Variants in VRK3 observed in about 807,000 individuals in gnomAD.
VRK3 encodes the protein VRK serine/threonine kinase 3.
In VRK3, 50 loss-of-function variants were observed where a neutral mutation model predicts 60.4. The ratio of observed to expected loss-of-function variants is 0.83; its 90% CI spans 0.66 to 1.05. The LOEUF is 1.05. Ranked by LOEUF, VRK3 falls within the 50% of genes least tolerant of loss-of-function variation. The pLI is 0.00. For missense variants in VRK3, 549 were observed against 585.3 expected, an observed-to-expected ratio of 0.94 and a Z score of 0.64; for synonymous variants, 246 against 227.8, an observed-to-expected ratio of 1.08 and a Z score of -0.72.
chr19:50,012,023 G>A (rs1451193301), intron 3 of VRK3, among the ~76,000 whole-genome samples: 3 of 150,822 alleles, frequency 2.0e-5, no homozygotes, highest in Non-Finnish European at 4.4e-5. Context: ...CCAGGCTGGA[G>A]TGCAATGGCG....
intron 2 of VRK3, chr19:50,019,188 GA>G (rs1218459279): frequency 3.7e-5 from 4 of 107,106 alleles, no homozygotes; most frequent in Admixed American, 1.8e-4. Flanking sequence ...AAAAAAAAAA[GA>G]AAAAAAATTA....
chr19:50,010,220 T>C (rs1470618010), intron 3 of VRK3, among the ~76,000 whole-genome samples: 4 of 152,330 alleles, frequency 2.6e-5, no homozygotes, highest in Admixed American at 2.6e-4. Context: ...AACTTTAACC[T>C]ATTCCTTCAT....
At chr19:49,980,725 A>T (rs965695599) in intron 13 of VRK3, among the ~76,000 whole-genome samples, 2 of 151,966 alleles carry the variant, frequency 1.3e-5, no homozygotes. Flanking sequence ...TTAAAAATAA[A>T]AAAAAAAAAT....
At chr19:50,010,790 G>A (rs2076982162) in intron 3 of VRK3, among the ~76,000 whole-genome samples, 2 of 152,210 alleles carry the variant, frequency 1.3e-5, no homozygotes, top group Non-Finnish European at 2.9e-5. Flanking sequence ...GCAGGTGCCT[G>A]TAAACCCAGC....
At chr19:50,006,666 C>T (rs909823712) in intron 5 of VRK3, among the ~76,000 whole-genome samples, 3 of 152,102 alleles carry the variant, frequency 2.0e-5, no homozygotes, top group African/African-American at 7.2e-5. Flanking sequence ...TGAGCCACCG[C>T]GCCTGGCCAA....
At chr19:49,980,905 A>G in intron 13 of VRK3, 50 bp downstream of exon 13, 4 of 1,557,376 alleles carry the variant, frequency 2.6e-6, no homozygotes, top group Non-Finnish European at 3.5e-6. Flanking sequence ...GATCTGAGCC[A>G]CCAGGTCCTG....
intron 10 of VRK3, among the ~76,000 whole-genome samples, chr19:49,991,984 G>A (rs553231142): frequency 3.9e-5 from 6 of 152,314 alleles, no homozygotes; most frequent in Non-Finnish European, 5.9e-5. Context: ...TCAGTATCCC[G>A]CTTAAGGTGT....
At chr19:49,998,946 C>CAAA (rs1774705802) in intron 6 of VRK3, 2 of 45,636 alleles carry the variant, frequency 4.4e-5, no homozygotes, top group Admixed American at 2.7e-4. Flanking sequence ...CCATCTCTAC[C>CAAA]AGAAAAAAAA....
intron 6 of VRK3, 62 bp downstream of exon 6, chr19:50,000,728 C>A: frequency 6.5e-7 from 1 of 1,543,810 alleles, no homozygotes; most frequent in South Asian, 1.2e-5. Context: ...GCTCAGAAGT[C>A]AAGGATGTGT....
chr19:49,977,412 G>A (rs979437792), intron 14 of VRK3, among the ~76,000 whole-genome samples: 4 of 152,088 alleles, frequency 2.6e-5, no homozygotes, highest in South Asian at 2.1e-4. Flanking sequence ...GGTGTGAGAC[G>A]GTGGAGACCC....
chr19:50,006,051 TGAGG>T lies in VRK3; in HGVS notation c.547+1514_547+1517del, dbSNP rs1283335024. 1.3e-5 allele frequency among the ~76,000 whole-genome samples: 2 copies of T among 149,042 alleles called. 1 individual carries two copies. Among genetic ancestry groups the T allele is most frequent in the African/African-American group, 5.2e-5 (2 of 38,466 alleles). On this transcript the variant is annotated intron_variant, in intron 5 of 14. Coordinates refer to ENST00000316763, the MANE Select transcript of VRK3 (RefSeq NM_016440.4). ...CTGTAATCCCAGCACTTTGGGAGGC[TGAGG>T]TAGGTGGATCACTTGAGGTCAGCTG...
chr19:50,003,873 C>A (rs1265192441), intron 5 of VRK3, among the ~76,000 whole-genome samples: 2 of 152,216 alleles, frequency 1.3e-5, no homozygotes, highest in Admixed American at 1.3e-4. Context: ...GCTGGCACCG[C>A]GGCCAGACAC....
rs1381451871 is a variant in VRK3, at chr19:49,994,883, C to A, written c.801G>T (p.Gln267His). 1 of 1,614,166 alleles carries A rather than the reference C, an allele frequency of 6.2e-7. No homozygotes were observed. Among genetic ancestry groups the A allele is most frequent in the Non-Finnish European group, 8.5e-7 (1 of 1,180,032 alleles). Residue 267 changes from glutamine to histidine, a missense_variant, in exon 9 of 15, where the codon CAG becomes CAT. Coordinates refer to ENST00000316763, the MANE Select transcript of VRK3 (RefSeq NM_016440.4). ...GCTTTGGGCTGACATCCAGGGCCGA[C>A]TGAAGGCTCCTCCCCAGGCTGGGTA... ...LVLPSLGRSL[Q>H]SALDVSPKHV...
At chr19:50,023,999 G>A (rs1296817431) in intron 1 of VRK3, among the ~76,000 whole-genome samples, 1 of 152,180 alleles carries the variant, frequency 6.6e-6, no homozygotes, top group Admixed American at 6.5e-5. Flanking sequence ...GCAGTGGCAC[G>A]ACCTCAGCTC....
Position 50,016,132 on chromosome 19 carries a change from T to C in VRK3, c.31A>G (p.Ser11Gly), listed in dbSNP as rs1185155741. The C allele has an allele frequency of 7.4e-6, 12 of 1,614,088 alleles. No homozygotes were observed. Among genetic ancestry groups the C allele is most frequent in the Admixed American group, 3.3e-5 (2 of 59,998 alleles). Residue 11 changes from serine (S) to glycine (G), a missense_variant, in exon 3 of 15, where the codon AGT becomes GGT. Coordinates refer to ENST00000316763, the MANE Select transcript of VRK3 (RefSeq NM_016440.4). The stretch of plus-strand genomic sequence containing the variant: ...CAGAATTTGAATGCCGCTTGGATAC[T>C]TTTGCCACAGTCTGGACAGAAGGAG... MISFCPDCGK[S>G]IQAAFKFCPY...
intron 3 of VRK3, among the ~76,000 whole-genome samples, chr19:50,010,163 ACAAT>A (rs2076971969): frequency 6.6e-6 from 1 of 152,276 alleles, no homozygotes; most frequent in African/African-American, 2.4e-5. Flanking sequence ...ATACACACAT[ACAAT>A]CATTAGAGTT....
chr19:49,981,986 A>C (rs574672491), intron 12 of VRK3: 403 of 641,916 alleles, frequency 6.3e-4, no homozygotes, highest in Non-Finnish European at 8.2e-4. Flanking sequence ...TGTGGGGGCC[A>C]GCGGGGCCGT....
At chr19:49,988,253 T>G (rs2076550994) in intron 12 of VRK3, 119 bp downstream of exon 12, 1 of 1,454,978 alleles carries the variant, frequency 6.9e-7, no homozygotes, top group East Asian at 2.5e-5. Flanking sequence ...TCAGAGGACT[T>G]GGGCTCTGCT....
chr19:50,016,979 T>C (rs1600722780), intron 2 of VRK3, among the ~76,000 whole-genome samples: 1 of 135,422 alleles, frequency 7.4e-6, no homozygotes. Flanking sequence ...CACCTGAGGT[T>C]AGGAGTTTGA....
Sources: allele counts gnomAD v4.1 joint callset (sites outside exome capture counted in the v4.1 genomes callset), GRCh38; gene constraint gnomAD v4.1.1; transcripts MANE v1.5; gene names NCBI Gene and HGNC (gene_info 2026-07-23, HGNC 2026-07-21).